The following TCEA2 variants were observed in gnomAD, a reference collection of about 807,000 sequenced individuals.
TCEA2 encodes transcription elongation factor A protein 2.
A neutral mutation model predicts 40.8 loss-of-function variants in TCEA2; 21 were observed. That is an observed-to-expected ratio of 0.51 (90% CI 0.36 to 0.74). The LOEUF is 0.74. Among genes scored for constraint, TCEA2 ranks in the 30% least tolerant of loss-of-function variants. The pLI is 0.00. For missense variants in TCEA2, 326 were observed against 426.5 expected (o/e 0.76, Z 2.08); for synonymous variants, 165 against 162.7 (o/e 1.01, Z -0.11).
chr20:64,064,903 A>AC (rs1270291670), intron 1 of TCEA2, among the ~76,000 whole-genome samples: 1 of 145,914 alleles, frequency 6.9e-6, no homozygotes, highest in African/African-American at 2.5e-5. Context: ...CAAAACACAA[A>AC]CGATAAAAGC....
At chr20:64,063,610 G>A in intron 1 of TCEA2, 1 of 569,144 alleles carries the variant, frequency 1.8e-6, no homozygotes, top group Non-Finnish European at 3.1e-6. Flanking sequence ...CCGCGATCAG[G>A]CCTGGACCTT....
intron 1 of TCEA2, 137 bp downstream of exon 1, chr20:64,063,521 G>A: frequency 1.9e-6 from 2 of 1,031,240 alleles, no homozygotes; most frequent in Non-Finnish European, 2.8e-6. Context: ...TAACCGGGAC[G>A]CAGGGGAGAC....
At position 64,066,466 on chromosome 20, in the gene TCEA2, C is replaced by A; in HGVS notation, c.73-10C>A. 8 of 1,613,340 alleles carry A rather than the reference C, an allele frequency of 5.0e-6. No homozygotes were observed. Among genetic ancestry groups the A allele is most frequent in the Non-Finnish European group, 6.8e-6 (8 of 1,179,398 alleles). On this transcript the variant is annotated splice_polypyrimidine_tract_variant and intron_variant, in intron 1 of 9. Coordinates refer to ENST00000343484, the MANE Select transcript of TCEA2 (RefSeq NM_003195.6). ...AAAGTCCTTTATGAAGGTCCTCCTT[C>A]TCCTTCCAGGAGGGAGCCATGGATT... is the stretch of plus-strand genomic sequence containing the variant.
chr20:64,057,849 G>T (rs1036389648), intron 1 of TCEA2, among the ~76,000 whole-genome samples: 2 of 152,184 alleles, frequency 1.3e-5, no homozygotes, highest in Non-Finnish European at 2.9e-5. Context: ...GTCCTGGGGG[G>T]CAGCTGTGGC....
In TCEA2 at chr20:64,069,450, A is replaced by G. The variant is rs773021336; in HGVS notation, c.419A>G (p.Asn140Ser). The G allele has an allele frequency of 1.2e-6, 2 of 1,613,292 alleles. No individual in the cohort carries two copies. Among genetic ancestry groups the G allele is most frequent in the African/African-American group, 1.3e-5 (1 of 74,918 alleles). The stretch of plus-strand genomic sequence containing the variant: ...CCTGTCACCTGTGATGCCGTGCGCA[A>G]CAAGTGCCGCGAGATGCTGACCGCT... ...PVPVTCDAVRNKCREMLTAAL... is the reference protein window; with the variant it reads ...PVPVTCDAVRSKCREMLTAAL... Residue 140 changes from asparagine (N) to serine (S), a missense_variant, in exon 5 of 10, where the codon AAC (asparagine) becomes AGC (serine). Asn to Ser is a conservative substitution (Grantham distance 46, BLOSUM62 1). Coordinates refer to ENST00000343484, the MANE Select transcript of TCEA2 (RefSeq NM_003195.6).
rs1319711324 is a variant in TCEA2, at chr20:64,069,684, G to A, written c.461-81G>A. 5 of 1,558,634 alleles carry A rather than the reference G, an allele frequency of 3.2e-6. No homozygotes were observed. In the African/African-American group the frequency reaches 6.8e-5, roughly 21 times the overall value. On this transcript the variant is annotated intron_variant, in intron 5 of 9. Transcript: ENST00000343484. ...GCAGGGACCCGGATGTGCCCTCTAA[G>A]CTGCCAGGGTGTTTTGCAGGCAGAA...
rs2059798741 is a variant in TCEA2 at position 64,070,270 on chromosome 20, G to A, written c.528G>A (p.Arg176=). The change falls in exon 7 of 10, where the codon CGG becomes CGA. Residue 176 remains arginine, a synonymous_variant. Transcript: ENST00000343484. ...LSAQIEECIF[R]DVGNTDMKYK... The stretch of plus-strand genomic sequence containing the variant: ...TTAAAACACTTGCACGCATCTTCCG[G>A]GACGTTGGAAACACAGACATGAAGT... The A allele has an allele frequency of 6.2e-7, 1 of 1,614,060 alleles. No homozygotes were observed. The highest frequency in any genetic ancestry group is 1.3e-5 in the African/African-American group (1 of 74,940).
chr20:64,060,176 C>T (rs1349777291), upstream of TCEA2, among the ~76,000 whole-genome samples: 2 of 152,234 alleles, frequency 1.3e-5, no homozygotes, highest in African/African-American at 4.8e-5. Flanking sequence ...ACCTCCTGCC[C>T]AGGAGGGGCC....
chr20:64,060,089 C>A (rs543347796), upstream of TCEA2, among the ~76,000 whole-genome samples: 2 of 152,278 alleles, frequency 1.3e-5, no homozygotes, highest in South Asian at 4.1e-4. Context: ...GGACGTTGAC[C>A]CTCTCTCCTT....
intron 2 of TCEA2, 114 bp from the exon 3 acceptor site, chr20:64,066,801 C>T: frequency 9.2e-7 from 1 of 1,082,420 alleles, no homozygotes; most frequent in Admixed American, 2.1e-5. Flanking sequence ...AGGCCTCTAC[C>T]TCCCTGGGAG....
At chr20:64,070,146 T>C in intron 6 of TCEA2, 114 bp from the exon 7 acceptor site, 5 of 1,496,352 alleles carry the variant, frequency 3.3e-6, no homozygotes, top group Non-Finnish European at 3.6e-6. Flanking sequence ...GACCGACCCC[T>C]GTGTGGCTGG....
rs781777042 is a variant in TCEA2, at chr20:64,072,147, G to A, written c.892-25G>A. ...GGGGATCTCATGTGGCCACAAGGCT[G>A]GAGGCCTCACCCCCTTTCTCGCAGT... is the stretch of plus-strand genomic sequence containing the variant. On this transcript the variant is annotated intron_variant, in intron 9 of 9. Transcript: ENST00000343484. The A allele has an allele frequency of 9.3e-6, 15 of 1,613,282 alleles. No individual in the cohort carries two copies. The African/African-American group carries it at 1.1e-4, about 11-fold the overall frequency.
chr20:64,066,015 C>G (rs2059687069), intron 1 of TCEA2: 1 of 134,120 alleles, frequency 7.5e-6, no homozygotes, highest in Non-Finnish European at 1.6e-5. Flanking sequence ...TGGGGAGAGG[C>G]TGCCCTGCGC....
At chr20:64,065,067 G>A (rs980698406) in intron 1 of TCEA2, among the ~76,000 whole-genome samples, 15 of 152,130 alleles carry the variant, frequency 9.9e-5, no homozygotes, top group African/African-American at 3.4e-4. Flanking sequence ...AGTGGGGAGT[G>A]GGAGCCAGCA....
exon 1 of TCEA2, chr20:64,057,620 TG>T (rs1569240205): frequency 6.6e-6 from 1 of 152,366 alleles, no homozygotes; most frequent in Non-Finnish European, 1.5e-5. Context: ...AGCAGCTTGC[TG>T]GGGAAGCTCC....
chr20:64,068,209 C>T (rs2059741460), intron 4 of TCEA2, 75 bp downstream of exon 4: 11 of 1,299,564 alleles, frequency 8.5e-6, no homozygotes, highest in Admixed American at 5.9e-5. Flanking sequence ...GGGTGCCAGT[C>T]TCCATGTGCC....
chr20:64,066,568 C>A, intron 2 of TCEA2, 30 bp downstream of exon 2: 1 of 1,608,630 alleles, frequency 6.2e-7, no homozygotes. Context: ...AGGTCCAGGA[C>A]AGCTCCTGGG....
At chr20:64,070,039 C>G in intron 6 of TCEA2, 1 of 885,106 alleles carries the variant, frequency 1.1e-6, no homozygotes, top group Non-Finnish European at 1.8e-6. Flanking sequence ...CCTAGGTCCC[C>G]TGGGGCTGTA....
intron 9 of TCEA2, 83 bp downstream of exon 9, chr20:64,072,024 G>A: frequency 1.9e-6 from 3 of 1,602,134 alleles, no homozygotes; most frequent in Non-Finnish European, 2.6e-6. Context: ...TCTGTGGTGT[G>A]AACTGGGGAT....
Sources: gnomAD v4.1 joint callset for allele counts (sites outside exome capture counted in the v4.1 genomes callset) on GRCh38, gnomAD v4.1.1 for gene constraint, MANE v1.5 for transcripts, NCBI Gene and HGNC (gene_info 2026-07-23, HGNC 2026-07-21) for gene names.